DNAH7: variants seen among roughly 807,000 people sequenced by gnomAD.
The protein encoded by DNAH7 is axonemal beta dynein heavy chain 7.
In DNAH7, 397 loss-of-function variants were observed where a neutral mutation model predicts 444.6. That is an observed-to-expected ratio of 0.89 (90% confidence interval 0.82 to 0.97). The LOEUF is 0.97. DNAH7 is among the 50% of genes least tolerant of loss of function. DNAH7 has a pLI of 0.00. For missense variants in DNAH7, 4,902 were observed against 4,800.8 expected (o/e 1.02, Z -0.62); for synonymous variants, 1,636 against 1,624.4 (o/e 1.01, Z -0.17).
intron 57 of DNAH7, among the ~76,000 whole-genome samples, chr2:195,789,726 TG>T (rs1553519531): frequency 6.6e-6 from 1 of 151,894 alleles, no homozygotes; most frequent in Non-Finnish European, 1.5e-5. Context: ...TGGAATATCT[TG>T]GCTAAGAATG....
chr2:195,959,304 T>C (rs1304427107), intron 18 of DNAH7, among the ~76,000 whole-genome samples: 2 of 152,076 alleles, frequency 1.3e-5, no homozygotes, highest in Non-Finnish European at 2.9e-5. Context: ...AAGACCTGAA[T>C]GCTTCTGCTT....
Position 195,864,741 on chromosome 2 carries a change from T to C in DNAH7, c.6914A>G (p.Asn2305Ser). ...AAGGTTCATGGGTTTTTTGCTTATA[T>C]TGTTGTATTCTTCTAGGTGAATTTC... ...IVEIHLEEYN[N>S]ISKKPMNLVL... Residue 2305 changes from asparagine (N) to serine (S), a missense_variant, in exon 41 of 65, where the codon AAT becomes AGT. Transcript: ENST00000312428. 1 of 1,614,252 alleles carries C rather than the reference T, an allele frequency of 6.2e-7. No individual in the cohort carries two copies. Among genetic ancestry groups the C allele is most frequent in the Non-Finnish European group, 8.5e-7 (1 of 1,180,042 alleles).
chr2:196,055,251 G>A (rs568152306), intron 2 of DNAH7, among the ~76,000 whole-genome samples: 2 of 152,192 alleles, frequency 1.3e-5, no homozygotes, highest in South Asian at 4.2e-4. Context: ...AGCTACTGGT[G>A]AGGCTCACAT....
intron 31 of DNAH7, among the ~76,000 whole-genome samples, chr2:195,890,165 C>T (rs341942): frequency 0.29 from 44,697 of 152,096 alleles, 9,209 homozygotes; most frequent in African/African-American, 0.58. Context: ...TATAAGATAA[C>T]GGGTCTGTCT....
At chr2:195,978,663 C>A (rs1165757446) in intron 15 of DNAH7, among the ~76,000 whole-genome samples, 1 of 152,128 alleles carries the variant, frequency 6.6e-6, no homozygotes, top group Non-Finnish European at 1.5e-5. Context: ...ACCCAGTGAT[C>A]TTTCACCTAC....
At chr2:195,956,629 T>C (rs911151959) in intron 19 of DNAH7, among the ~76,000 whole-genome samples, 1 of 147,200 alleles carries the variant, frequency 6.8e-6, no homozygotes, top group Non-Finnish European at 1.5e-5. Flanking sequence ...CCAGCCTGGG[T>C]GACAGAGCGA....
intron 31 of DNAH7, among the ~76,000 whole-genome samples, chr2:195,891,234 C>T (rs536017220): frequency 3.3e-5 from 5 of 152,290 alleles, no homozygotes; most frequent in African/African-American, 1.2e-4. Context: ...CAAAGGTGTG[C>T]AATTTCTTCT....
intron 19 of DNAH7, among the ~76,000 whole-genome samples, chr2:195,950,870 A>AAAAAAC: frequency 6.8e-6 from 1 of 147,776 alleles, no homozygotes; most frequent in Non-Finnish European, 1.5e-5. Flanking sequence ...AAAAAAAAAA[A>AAAAAAC]AAAAAAAAAC....
At chr2:195,794,305 G>A (rs1696031404) in intron 57 of DNAH7, 33 bp downstream of exon 57, 7 of 1,609,752 alleles carry the variant, frequency 4.3e-6, no homozygotes, top group African/African-American at 1.3e-5. Flanking sequence ...GTGCTTTACA[G>A]GGCCGAGGTA....
Position 195,864,357 on chromosome 2 carries a change from A to G in DNAH7, c.7298T>C (p.Ile2433Thr). The change falls in exon 41 of 65, where the codon ATA (isoleucine) becomes ACA (threonine). Residue 2433 changes from isoleucine to threonine, a missense_variant. Ile to Thr is a moderately conservative substitution (Grantham distance 89). Coordinates refer to ENST00000312428, the MANE Select transcript of DNAH7 (RefSeq NM_018897.3). ...NLFALDEKQE[I>T]CDKMRQLDRQ... is the part of the protein sequence containing the mutation. The stretch of plus-strand genomic sequence containing the variant: ...ATCTAACTGACGCATCTTATCACAT[A>G]TCTCTTGCTTCTCATCTAATGCAAA... 1.2e-6 allele frequency: 2 copies of G among 1,614,118 alleles called. No homozygotes were observed. The highest frequency in any genetic ancestry group is 2.2e-5 in the East Asian group (1 of 44,884).
Position 195,857,518 on chromosome 2 carries a change from T to C in DNAH7, c.8273A>G (p.Asp2758Gly). The change falls in exon 44 of 65, where the codon GAC (aspartate) becomes GGC (glycine). Residue 2758 changes from aspartate to glycine, a missense_variant. Transcript: ENST00000312428. ...FLQSLHEYDK[D>G]NIPPAYMNII... is the part of the protein sequence containing the mutation. The stretch of plus-strand genomic sequence containing the variant: ...ATTCATATAAGCTGGAGGAATATTG[T>C]CCTTGTCATATTCATGAAGTGACTG... 6.2e-7 allele frequency: 1 copy of C among 1,614,018 alleles called. No homozygotes were observed. The highest frequency in any genetic ancestry group is 8.5e-7 in the Non-Finnish European group (1 of 1,179,924).
At chr2:195,741,058 T>A (rs749864479) in intron 63 of DNAH7, 189 bp from the exon 64 acceptor site, 9 of 288,756 alleles carry the variant, frequency 3.1e-5, no homozygotes, top group Non-Finnish European at 5.1e-5. Flanking sequence ...AAACTTTGCC[T>A]AGTGAAATAA....
At chr2:195,748,681 G>A (rs545652201) in intron 63 of DNAH7, among the ~76,000 whole-genome samples, 33 of 152,132 alleles carry the variant, frequency 2.2e-4, no homozygotes, top group Non-Finnish European at 3.2e-4. Context: ...AAATAACGCC[G>A]CTTATCTACA....
chr2:195,968,960 C>T (rs1411569538), intron 17 of DNAH7, among the ~76,000 whole-genome samples: 2 of 152,208 alleles, frequency 1.3e-5, no homozygotes, highest in African/African-American at 4.8e-5. Context: ...CCCTCCCCGA[C>T]GTGTACAGAT....
chr2:195,979,201 C>T (rs1429853769), intron 15 of DNAH7, among the ~76,000 whole-genome samples: 1 of 152,114 alleles, frequency 6.6e-6, no homozygotes. Context: ...GGATCATTCT[C>T]AAGAATAGAC....
chr2:195,758,686 C>G (rs796236050), intron 61 of DNAH7, among the ~76,000 whole-genome samples: 119 of 152,288 alleles, frequency 7.8e-4, no homozygotes, highest in African/African-American at 2.8e-3. Flanking sequence ...CAACCCTCCT[C>G]CATCACCCGG....
At chr2:195,923,882 A>G in intron 22 of DNAH7, 75 bp from the exon 23 acceptor site, 4 of 1,207,008 alleles carry the variant, frequency 3.3e-6, no homozygotes, top group Middle Eastern at 3.8e-4. Flanking sequence ...CTGAACTAGT[A>G]TATATACAGA....
intron 43 of DNAH7, 40 bp downstream of exon 43, chr2:195,858,434 G>A (rs933869996): frequency 6.8e-7 from 1 of 1,464,984 alleles, no homozygotes; most frequent in Non-Finnish European, 9.1e-7. Flanking sequence ...CTTGGGCTAT[G>A]ATGACATGTG....
At chr2:195,813,497 G>A (rs556364838) in intron 51 of DNAH7, among the ~76,000 whole-genome samples, 45 of 152,274 alleles carry the variant, frequency 3.0e-4, no homozygotes, top group African/African-American at 9.9e-4. Flanking sequence ...AAGGGTAGGA[G>A]CCTAACTTCA....
Sources: gnomAD v4.1 joint callset for allele counts (sites outside exome capture counted in the v4.1 genomes callset) on GRCh38, gnomAD v4.1.1 for gene constraint, MANE v1.5 for transcripts, NCBI Gene and HGNC (gene_info 2026-07-23, HGNC 2026-07-21) for gene names.